SAMMSON: variants seen among roughly 807,000 people sequenced by gnomAD.
SAMMSON encodes the protein long intergenic non-protein coding RNA 1212.
chr3:70,069,510 A>C (rs1221061654), intron 3 of SAMMSON: 1 of 152,126 alleles, frequency 6.6e-6, no homozygotes, highest in Non-Finnish European at 1.5e-5. Context: ...ACACTGCATC[A>C]ATGATTCTCT....
intron 2 of SAMMSON, among the ~76,000 whole-genome samples, chr3:70,426,573 C>T (rs554726373): frequency 6.6e-6 from 1 of 152,308 alleles, no homozygotes; most frequent in East Asian, 1.9e-4. Context: ...TCCTCCTCTT[C>T]TTCCTTCTCT....
intron 4 of SAMMSON, among the ~76,000 whole-genome samples, chr3:70,218,099 C>T (rs900047798): frequency 6.6e-6 from 1 of 152,124 alleles, no homozygotes; most frequent in Non-Finnish European, 1.5e-5. Flanking sequence ...CAAAAGGCCT[C>T]ACTGGGGATT....
intron 4 of SAMMSON, among the ~76,000 whole-genome samples, chr3:70,232,956 A>C (rs1030865775): frequency 6.6e-6 from 1 of 152,176 alleles, no homozygotes; most frequent in African/African-American, 2.4e-5. Flanking sequence ...TGGAAGGCCA[A>C]GGGAGGCAGA....
chr3:70,296,741 C>G (rs1702292801), intron 7 of SAMMSON, among the ~76,000 whole-genome samples: 1 of 152,072 alleles, frequency 6.6e-6, no homozygotes. Context: ...ATTCCTTTAA[C>G]TCCTGCTTGG....
At chr3:70,151,252 G>T (rs577516310) in intron 4 of SAMMSON, among the ~76,000 whole-genome samples, 1 of 152,122 alleles carries the variant, frequency 6.6e-6, no homozygotes, top group South Asian at 2.1e-4. Flanking sequence ...CCAGGAATCT[G>T]GGAAGAGACT....
chr3:70,131,413 T>C (rs1576130159), intron 4 of SAMMSON, among the ~76,000 whole-genome samples: 1 of 152,330 alleles, frequency 6.6e-6, no homozygotes, highest in Middle Eastern at 3.4e-3. Context: ...TATCTCATTG[T>C]AAGCTGAAAA....
intron 4 of SAMMSON, among the ~76,000 whole-genome samples, chr3:70,198,603 T>G (rs1160703856): frequency 1.3e-5 from 2 of 152,208 alleles, no homozygotes; most frequent in African/African-American, 4.8e-5. Flanking sequence ...CTCTCCATCC[T>G]CTTTCTCTTA....
intron 2 of SAMMSON, among the ~76,000 whole-genome samples, chr3:70,427,524 G>A (rs1249305247): frequency 1.3e-5 from 2 of 152,104 alleles, no homozygotes; most frequent in African/African-American, 2.4e-5. Context: ...CGGATCACGA[G>A]GTCAGGAGAT....
intron 4 of SAMMSON, among the ~76,000 whole-genome samples, chr3:70,154,072 C>G (rs12108153): frequency 0.013 from 1,974 of 151,850 alleles, 31 homozygotes; most frequent in African/African-American, 0.037. Flanking sequence ...TTCTGTAATA[C>G]CAAAATACTC....
At chr3:70,415,951 C>T (rs187298142) in intron 2 of SAMMSON, among the ~76,000 whole-genome samples, 2 of 152,224 alleles carry the variant, frequency 1.3e-5, no homozygotes, top group African/African-American at 4.8e-5. Context: ...ATGTCTATCT[C>T]GTTCTCCTAT....
intron 4 of SAMMSON, chr3:70,125,898 A>G: frequency 1.4e-6 from 1 of 695,702 alleles, no homozygotes; most frequent in Non-Finnish European, 2.6e-6. Flanking sequence ...ATTCTTCACT[A>G]GATAATTCCT....
At chr3:70,335,640 C>G (rs1030262625) in intron 7 of SAMMSON, among the ~76,000 whole-genome samples, 12 of 151,942 alleles carry the variant, frequency 7.9e-5, no homozygotes, top group African/African-American at 2.9e-4. Context: ...GTGTCTTGAA[C>G]TTGTGCCCAC....
intron 4 of SAMMSON, chr3:70,196,875 A>C (rs1701186739): frequency 2.5e-6 from 1 of 398,144 alleles, no homozygotes; most frequent in Admixed American, 4.4e-5. Context: ...GTTGTAATGG[A>C]ATTTCCCACC....
chr3:70,138,949 A>C (rs988693229), intron 4 of SAMMSON, among the ~76,000 whole-genome samples: 1 of 152,166 alleles, frequency 6.6e-6, no homozygotes, highest in Non-Finnish European at 1.5e-5. Flanking sequence ...TGGTGCAATC[A>C]TAGCTCACTG....
At chr3:70,042,191 T>C (rs1156435023) in intron 3 of SAMMSON, among the ~76,000 whole-genome samples, 2 of 152,076 alleles carry the variant, frequency 1.3e-5, no homozygotes, top group African/African-American at 2.4e-5. Context: ...GTATCTATGT[T>C]TTTGAAGGCC....
At chr3:70,330,772 G>C (rs1425401471) in intron 7 of SAMMSON, among the ~76,000 whole-genome samples, 15 of 152,012 alleles carry the variant, frequency 9.9e-5, no homozygotes, top group Admixed American at 9.2e-4. Flanking sequence ...ATGTGAAATT[G>C]CCTCACATCT....
chr3:70,253,365 A>G (rs1701787345), intron 6 of SAMMSON, among the ~76,000 whole-genome samples: 1 of 152,134 alleles, frequency 6.6e-6, no homozygotes, highest in Admixed American at 6.5e-5. Flanking sequence ...ATAAATGTGC[A>G]AGGGGCTGAG....
At chr3:70,391,213 A>C (rs756003373), downstream of SAMMSON, among the ~76,000 whole-genome samples, 8 of 152,182 alleles carry the variant, frequency 5.3e-5, no homozygotes, top group Non-Finnish European at 1.2e-4. Context: ...TAGAAAAGCA[A>C]ATCTCTGTTG....
chr3:70,087,441 T>G (rs35026817), intron 4 of SAMMSON, among the ~76,000 whole-genome samples: 77,631 of 151,998 alleles, frequency 0.51, 23,921 homozygotes, highest in Non-Finnish European at 0.68. Context: ...TTTTTCTCTG[T>G]ATGCACATTC....
Sources: allele counts gnomAD v4.1 joint callset (sites outside exome capture counted in the v4.1 genomes callset), GRCh38; gene constraint gnomAD v4.1.1; transcripts MANE v1.5; gene names NCBI Gene and HGNC (gene_info 2026-07-23, HGNC 2026-07-21).